Variants in RBFOX2 observed in about 807,000 individuals in gnomAD.
RBFOX2 encodes RNA binding fox-1 homolog 2, also known as RNA binding protein fox-1 homolog 2.
Under a neutral mutation model 49.1 loss-of-function variants are expected in RBFOX2, and 10 were observed. The ratio of observed to expected loss-of-function variants is 0.20; its 90% CI spans 0.13 to 0.35. RBFOX2 has a LOEUF of 0.35. Ranked by LOEUF, RBFOX2 falls within the 10% of genes least tolerant of loss-of-function variation. RBFOX2 has a pLI of 1.00. For synonymous variants in RBFOX2, 183 were observed against 187.4 expected (o/e 0.98, Z 0.19); for missense variants, 323 against 486.9 (o/e 0.66, Z 3.17).
intron 1 of RBFOX2, among the ~76,000 whole-genome samples, chr22:36,023,992 A>C (rs1329994827): frequency 1.3e-5 from 2 of 152,204 alleles, no homozygotes; most frequent in Non-Finnish European, 2.9e-5. Flanking sequence ...ACAAGATTCA[A>C]CTTTGGAATC....
chr22:35,965,064 G>A (rs144351010), upstream of RBFOX2, among the ~76,000 whole-genome samples: 101 of 152,274 alleles, frequency 6.6e-4, 1 homozygote, highest in East Asian at 0.017. Context: ...AGAGCTATGC[G>A]TGGTATTCAA....
intron 2 of RBFOX2, among the ~76,000 whole-genome samples, chr22:35,809,341 G>A (rs1450219322): frequency 6.6e-6 from 1 of 152,096 alleles, no homozygotes; most frequent in Non-Finnish European, 1.5e-5. Context: ...AGAAGAAGAC[G>A]AAGTAGTTTT....
chr22:36,002,260 C>G (rs911757986), intron 1 of RBFOX2, among the ~76,000 whole-genome samples: 3 of 152,070 alleles, frequency 2.0e-5, no homozygotes, highest in African/African-American at 7.2e-5. Context: ...TCTCAGAATC[C>G]GTCTTCTTGT....
chr22:36,010,035 G>A (rs151010950), intron 1 of RBFOX2, among the ~76,000 whole-genome samples: 10 of 152,102 alleles, frequency 6.6e-5, no homozygotes, highest in African/African-American at 2.4e-4. Context: ...CTTAGTGTGT[G>A]CTGCTGCCCT....
chr22:35,976,658 C>T (rs188854858), intron 1 of RBFOX2, among the ~76,000 whole-genome samples: 1 of 152,190 alleles, frequency 6.6e-6, no homozygotes, highest in African/African-American at 2.4e-5. Context: ...TCAAAATGAA[C>T]TCAGTAAGAA....
chr22:35,988,153 CTTTG>C (rs2057803398), intron 1 of RBFOX2, among the ~76,000 whole-genome samples: 1 of 152,196 alleles, frequency 6.6e-6, no homozygotes, highest in African/African-American at 2.4e-5. Flanking sequence ...TTGAACATGA[CTTTG>C]TTTGAAATGA....
chr22:35,762,799 TCCAG>T (rs745834724), intron 6 of RBFOX2, among the ~76,000 whole-genome samples: 75 of 152,060 alleles, frequency 4.9e-4, no homozygotes, highest in Non-Finnish European at 6.9e-4. Context: ...AGCCACTGCG[TCCAG>T]CCACAATTGG....
At chr22:35,809,430 G>A (rs1951403538) in intron 2 of RBFOX2, among the ~76,000 whole-genome samples, 1 of 152,088 alleles carries the variant, frequency 6.6e-6, no homozygotes, top group African/African-American at 2.4e-5. Context: ...CCTAGGTTTT[G>A]CTTGAGTTTG....
chr22:35,931,461 G>T (rs2052400814), intron 1 of RBFOX2, among the ~76,000 whole-genome samples: 1 of 152,040 alleles, frequency 6.6e-6, no homozygotes, highest in Non-Finnish European at 1.5e-5. Flanking sequence ...GAAAGTAGGG[G>T]AGTGACTGCT....
chr22:35,774,764 G>A (rs1276179785), intron 4 of RBFOX2, among the ~76,000 whole-genome samples: 1 of 152,168 alleles, frequency 6.6e-6, no homozygotes, highest in African/African-American at 2.4e-5. Context: ...GAGCATGGCA[G>A]TGGAACACCG....
At chr22:35,740,831 A>G (rs1319785928) in exon 12 of RBFOX2, 2 of 152,110 alleles carry the variant, frequency 1.3e-5, no homozygotes, top group African/African-American at 4.8e-5. Flanking sequence ...TAGTTACAGG[A>G]TGGTAGTGAT....
chr22:35,844,613 G>A (rs1031500561), upstream of RBFOX2, among the ~76,000 whole-genome samples: 3 of 149,954 alleles, frequency 2.0e-5, no homozygotes, highest in Admixed American at 6.6e-5. Flanking sequence ...TCCTGTCTCA[G>A]CCTCCCAAGT....
rs1556357853 is a variant in RBFOX2, at chr22:35,899,178, A to AT, written c.-34+39668_-34+39669insA. Among the ~76,000 whole-genome samples, 452 of 133,492 alleles carry AT rather than the reference A, an allele frequency of 3.4e-3. 4 individuals carry two copies. Among genetic ancestry groups the AT allele is most frequent in the African/African-American group, 8.9e-3 (321 of 36,100 alleles). 87.6% of individuals were successfully genotyped at this position (133,492 alleles called of 152,430 possible). On this transcript the variant is annotated intron_variant, in intron 1 of 13. Transcript: ENST00000359369. The stretch of plus-strand genomic sequence containing the variant: ...ATAACATAACATAACATAACATAAC[A>AT]AACATAAAAAATAAAATAAAATAAA...
chr22:35,978,920 T>G (rs2057328114), intron 1 of RBFOX2, among the ~76,000 whole-genome samples: 1 of 152,142 alleles, frequency 6.6e-6, no homozygotes, highest in Non-Finnish European at 1.5e-5. Context: ...ATATATCTGT[T>G]GAGGAACAGG....
At chr22:36,015,294 C>T (rs540547037) in intron 1 of RBFOX2, among the ~76,000 whole-genome samples, 2 of 152,256 alleles carry the variant, frequency 1.3e-5, no homozygotes, top group Non-Finnish European at 2.9e-5. Flanking sequence ...ATATATGAAA[C>T]GGACTGCTTA....
chr22:35,956,735 GA>G (rs2055605814), intron 1 of RBFOX2, among the ~76,000 whole-genome samples: 1 of 152,056 alleles, frequency 6.6e-6, no homozygotes, highest in Admixed American at 6.6e-5. Context: ...GGCATCCCAT[GA>G]AAAAAGTTCA....
intron 1 of RBFOX2, among the ~76,000 whole-genome samples, chr22:35,862,599 A>G (rs2043222480): frequency 6.6e-6 from 1 of 152,162 alleles, no homozygotes. Flanking sequence ...CAGGTACTAC[A>G]TAGTCCACCT....
intron 1 of RBFOX2, among the ~76,000 whole-genome samples, chr22:35,851,554 G>C (rs1024148116): frequency 1.3e-5 from 2 of 152,096 alleles, no homozygotes; most frequent in African/African-American, 2.4e-5. Flanking sequence ...TGGCCGGGTG[G>C]TGTGGCTCAC....
intron 5 of RBFOX2, among the ~76,000 whole-genome samples, chr22:35,766,418 T>C (rs903435089): frequency 3.3e-5 from 5 of 152,174 alleles, no homozygotes; most frequent in African/African-American, 7.2e-5. Context: ...CAAATTTACA[T>C]TGTGTTCAAT....
Sources: allele counts gnomAD v4.1 joint callset (sites outside exome capture counted in the v4.1 genomes callset), GRCh38; gene constraint gnomAD v4.1.1; transcripts MANE v1.5; gene names NCBI Gene and HGNC (gene_info 2026-07-23, HGNC 2026-07-21).